PPIG: variants seen among roughly 807,000 people sequenced by gnomAD.
PPIG encodes the protein peptidylprolyl isomerase G.
PPIG carries 26 observed loss-of-function variants against 87.9 expected under a neutral mutation model. That is an observed-to-expected ratio of 0.30 (90% CI 0.22 to 0.41). PPIG has a LOEUF of 0.41. Ranked by LOEUF, PPIG falls within the 10% of genes least tolerant of loss-of-function variation. PPIG has a pLI of 1.00. For missense variants in PPIG, 722 were observed against 879.4 expected (o/e 0.82, Z 2.26); for synonymous variants, 308 against 276.5 (o/e 1.11, Z -1.13).
intron 1 of PPIG, among the ~76,000 whole-genome samples, chr2:169,592,563 C>A (rs1684898392): frequency 6.6e-6 from 1 of 152,018 alleles, no homozygotes; most frequent in East Asian, 1.9e-4. Flanking sequence ...CTCGGCCTCC[C>A]AGAGTGCTGG....
At chr2:169,587,136 T>C (rs1275685689) in intron 1 of PPIG, among the ~76,000 whole-genome samples, 1 of 152,162 alleles carries the variant, frequency 6.6e-6, no homozygotes, top group Non-Finnish European at 1.5e-5. Flanking sequence ...TTTCACCATG[T>C]TGGCTACGCT....
chr2:169,631,949 T>C lies in PPIG; in HGVS notation c.929+16T>C. 1 of 1,567,228 alleles carries C rather than the reference T, an allele frequency of 6.4e-7. No homozygotes were observed. Among genetic ancestry groups the C allele is most frequent in the Non-Finnish European group, 8.7e-7 (1 of 1,149,712 alleles). On this transcript the variant is annotated intron_variant, in intron 11 of 13. Coordinates refer to ENST00000260970, the MANE Select transcript of PPIG (RefSeq NM_004792.3). ...AAAGAGAGTGGTATGTGAATATGTA[T>C]ATTTTGCCTTACATGGTTTACCATA...
chr2:169,627,089 CT>C (rs999383327), intron 9 of PPIG, among the ~76,000 whole-genome samples: 2 of 152,132 alleles, frequency 1.3e-5, no homozygotes. Flanking sequence ...AAATCTCTTT[CT>C]GGCCTTCCAT....
chr2:169,601,087 AT>A (rs1685167893), intron 1 of PPIG, among the ~76,000 whole-genome samples: 1 of 152,180 alleles, frequency 6.6e-6, no homozygotes, highest in Non-Finnish European at 1.5e-5. Context: ...AGAAATACTT[AT>A]GTACAATTTA....
At chr2:169,585,481 G>T (rs1181601992) in intron 1 of PPIG, among the ~76,000 whole-genome samples, 1 of 151,806 alleles carries the variant, frequency 6.6e-6, no homozygotes, top group Non-Finnish European at 1.5e-5. Context: ...CAGGATGGTC[G>T]ATCTCCTGAC....
intron 1 of PPIG, among the ~76,000 whole-genome samples, chr2:169,598,843 G>GTATATAAATACAGGTAAATATT (rs1559176625): frequency 9.1e-6 from 1 of 110,422 alleles, no homozygotes. Context: ...ATATTTATAT[G>GTATATAAATACAGGTAAATATT]TATATAAATA....
At chr2:169,601,918 A>T (rs76094005) in intron 1 of PPIG, among the ~76,000 whole-genome samples, 1 of 151,670 alleles carries the variant, frequency 6.6e-6, no homozygotes. Flanking sequence ...AAAAAAAAAA[A>T]CTCAGTAACA....
At chr2:169,636,061 A>G (rs761386927) in intron 12 of PPIG, 31 bp from the exon 13 acceptor site, 2 of 1,549,970 alleles carry the variant, frequency 1.3e-6, no homozygotes, top group East Asian at 2.3e-5. Context: ...ACTTCTATAC[A>G]TTAATTTTTC....
In PPIG at chr2:169,584,363, C is replaced by T. The variant is rs546200343; in HGVS notation, c.-197C>T. The T allele has an allele frequency of 2.1e-6, 1 of 471,154 alleles. No individual in the cohort carries two copies. 29.2% of individuals were successfully genotyped at this position (471,154 alleles called of 1,614,324 possible). On this transcript the variant is annotated 5_prime_UTR_variant, in exon 1 of 14. Coordinates refer to ENST00000260970, the MANE Select transcript of PPIG (RefSeq NM_004792.3). ...ACGCGCTTCCGGTGCGACGCTGTCT[C>T]TCCATGCCAGGACTGAGTTGTGGGG...
chr2:169,612,690 A>G (rs115515474), intron 7 of PPIG, among the ~76,000 whole-genome samples: 1,575 of 152,144 alleles, frequency 0.01, 15 homozygotes, highest in Non-Finnish European at 0.015. Flanking sequence ...CATGAAGTCC[A>G]TTTTTTATGG....
At chr2:169,622,088 A>C (rs115478120) in intron 9 of PPIG, among the ~76,000 whole-genome samples, 2 of 152,022 alleles carry the variant, frequency 1.3e-5, no homozygotes, top group Non-Finnish European at 2.9e-5. Context: ...AAAGTTAAGG[A>C]TGCTGCGTGG....
chr2:169,637,089 A>C lies in PPIG; in HGVS notation c.1831A>C (p.Thr611Pro), dbSNP rs199817037. 5.3e-4 allele frequency: 847 copies of C among 1,613,206 alleles called. No individual in the cohort carries two copies. The highest frequency in any genetic ancestry group is 6.8e-4 in the Non-Finnish European group (805 of 1,179,708). Residue 611 changes from threonine (T) to proline (P), a missense_variant, in exon 14 of 14, where the codon ACA becomes CCA. By Grantham distance (38) the Thr-to-Pro change is conservative. This residue lies in a region of PPIG where 476 missense variants were observed against 483.1 expected (regional missense o/e 0.99). Transcript: ENST00000260970. ...RGRSRSRERR[T>P]PPGRSRSKDR... ...ACGGTCACGAAGCCGAGAGAGAAGA[A>C]CACCACCAGGAAGATCAAGAAGTAA...
chr2:169,608,753 C>T lies in PPIG; in HGVS notation c.372C>T (p.Phe124=). The change falls in exon 7 of 14, where the codon TTC becomes TTT. Residue 124 remains phenylalanine, a synonymous_variant. Transcript: ENST00000260970. ...GGAAGGATACAAATGGTTCACAGTT[C>T]TTCATGTAAGTATTTATTATCTGAT... ...NRGKDTNGSQ[F]FITTKPTPHL... 1 of 1,590,400 alleles carries T rather than the reference C, an allele frequency of 6.3e-7. No homozygotes were observed. Among genetic ancestry groups the T allele is most frequent in the Non-Finnish European group, 8.6e-7 (1 of 1,159,900 alleles).
At chr2:169,608,953 G>C (rs1056122560) in intron 7 of PPIG, among the ~76,000 whole-genome samples, 195 bp downstream of exon 7, 2 of 151,766 alleles carry the variant, frequency 1.3e-5, no homozygotes, top group East Asian at 2.0e-4. Context: ...GCATGGTGTC[G>C]GACGCCTGTA....
At chr2:169,607,872 T>G (rs2105491904) in intron 6 of PPIG, among the ~76,000 whole-genome samples, 1 of 152,250 alleles carries the variant, frequency 6.6e-6, no homozygotes, top group East Asian at 1.9e-4. Context: ...CTCTTTTTTT[T>G]AAGAGATGGG....
rs1455008840 is a variant in PPIG, at chr2:169,636,413, G to A, written c.1155G>A (p.Lys385=). ...CCCAATTCTTTTTCTTATTTTTTAG[G>A]AGTGAGTTGAATGAAATAAAAGAAA... ...SSGERWIKGD[K]SELNEIKENQ... Residue 385 remains lysine, a splice_region_variant and synonymous_variant, in exon 14 of 14, where the codon AAG becomes AAA. Coordinates refer to ENST00000260970, the MANE Select transcript of PPIG (RefSeq NM_004792.3). The A allele has an allele frequency of 2.6e-6, 4 of 1,517,840 alleles. No homozygotes were observed. The highest frequency in any genetic ancestry group is 1.3e-5 in the South Asian group (1 of 77,102). The allele number at this position is 1,517,840 out of a possible 1,614,324, so 94.0% of individuals were successfully genotyped here.
At chr2:169,630,409 C>A (rs930157013) in intron 9 of PPIG, among the ~76,000 whole-genome samples, 1 of 152,106 alleles carries the variant, frequency 6.6e-6, no homozygotes, top group African/African-American at 2.4e-5. Context: ...TGCACTAGTT[C>A]TGCCAATCTT....
At chr2:169,624,108 A>T (rs1685823136) in intron 9 of PPIG, among the ~76,000 whole-genome samples, 1 of 152,148 alleles carries the variant, frequency 6.6e-6, no homozygotes, top group Admixed American at 6.5e-5. Flanking sequence ...CTGGGACTAC[A>T]GGTGTGCATT....
At chr2:169,611,913 CAT>C (rs766375714) in intron 7 of PPIG, among the ~76,000 whole-genome samples, 31 of 152,218 alleles carry the variant, frequency 2.0e-4, no homozygotes, top group Non-Finnish European at 3.2e-4. Flanking sequence ...TGTACTATAA[CAT>C]ATAGAAGATT....
Sources: gnomAD v4.1 joint callset for allele counts (sites outside exome capture counted in the v4.1 genomes callset) on GRCh38, gnomAD v4.1.1 for gene constraint, gnomAD v4.1.1 regional missense constraint, MANE v1.5 for transcripts, NCBI Gene and HGNC (gene_info 2026-07-23, HGNC 2026-07-21) for gene names.